ANKRD27: variants seen among roughly 807,000 people sequenced by gnomAD.
The protein encoded by ANKRD27 is ankyrin repeat domain-containing protein 27.
In ANKRD27, 112 loss-of-function variants were observed where a neutral mutation model predicts 129.7. The observed-to-expected ratio is 0.86, with a 90% CI of 0.74 to 1.01. The LOEUF (loss-of-function observed/expected upper bound fraction) is 1.01, where lower values mean the gene tolerates loss of function less well. Among genes scored for constraint, ANKRD27 ranks in the 50% least tolerant of loss-of-function variants. The probability of loss-of-function intolerance (pLI) is 0.00; values close to 1 mark genes in which losing one functional copy is unlikely to be tolerated. For synonymous variants in ANKRD27, 516 were observed against 511.2 expected (o/e 1.01, Z -0.13); for missense variants, 1,258 against 1,300.5 (o/e 0.97, Z 0.50).
intron 22 of ANKRD27, among the ~76,000 whole-genome samples, chr19:32,609,683 G>A (rs963146269): frequency 1.3e-5 from 2 of 151,712 alleles, no homozygotes; most frequent in African/African-American, 4.8e-5. Flanking sequence ...TGGGGGGGAA[G>A]GCAAAATCTC....
intron 12 of ANKRD27, among the ~76,000 whole-genome samples, chr19:32,634,691 G>A (rs903195594): frequency 7.5e-4 from 114 of 152,286 alleles, no homozygotes; most frequent in African/African-American, 2.6e-3. Context: ...TGAGGCAGGC[G>A]GATCACTTGA....
At chr19:32,638,592 A>T (rs1967134901) in intron 12 of ANKRD27, 1 of 152,684 alleles carries the variant, frequency 6.5e-6, no homozygotes, top group Admixed American at 6.5e-5. Context: ...CAGGGAGCCC[A>T]ACCTAGGAGT....
Position 32,642,026 on chromosome 19 carries a change from C to T in ANKRD27, c.902G>A (p.Arg301Lys). 1.3e-6 allele frequency: 2 copies of T among 1,582,362 alleles called. No homozygotes were observed. The highest frequency in any genetic ancestry group is 1.1e-5 in the South Asian group (1 of 87,896). ...VQLITQSPSQ[R>K]VNLETMCADD... ...CAGTCCCCTTTCCAAGCACAAACCT[C>T]TCTGGCTTGGAGACTGTGTAATGAG... Residue 301 changes from arginine (R) to lysine (K), a missense_variant and splice_region_variant, in exon 10 of 29, where the codon AGA (arginine) becomes AAA (lysine). By Grantham distance (26) the Arg-to-Lys change is conservative. Coordinates refer to ENST00000306065, the MANE Select transcript of ANKRD27 (RefSeq NM_032139.3).
intron 22 of ANKRD27, among the ~76,000 whole-genome samples, chr19:32,610,617 C>T (rs1200644746): frequency 6.6e-6 from 1 of 151,756 alleles, no homozygotes; most frequent in South Asian, 2.1e-4. Flanking sequence ...TATGGCAAAA[C>T]CCTGTCTCTA....
Position 32,658,762 on chromosome 19 carries a change from G to C in ANKRD27, c.102+152C>G, listed in dbSNP as rs1457460108. The C allele has an allele frequency of 7.3e-6, 5 of 680,836 alleles. 1 individual carries two copies. Among genetic ancestry groups the C allele is most frequent in the Non-Finnish European group, 5.2e-6 (2 of 386,896 alleles). 42.2% of individuals were successfully genotyped at this position (680,836 alleles called of 1,614,324 possible). A position where few individuals can be genotyped will look rare whatever the true frequency, so the allele number is the denominator to read the frequency against. On this transcript the variant is annotated intron_variant, in intron 2 of 28. Coordinates refer to ENST00000306065, the MANE Select transcript of ANKRD27 (RefSeq NM_032139.3). Reference sequence around the variant, plus strand: ...GGCTTCCTGGAGGGAGCGGCTCATGGGGGCCCCTCGCTGCTCACTCACAGA... The same window carrying C: ...GGCTTCCTGGAGGGAGCGGCTCATGCGGGCCCCTCGCTGCTCACTCACAGA...
Position 32,644,497 on chromosome 19 carries a change from A to G in ANKRD27, c.371-18T>C. On this transcript the variant is annotated intron_variant, in intron 4 of 28. Coordinates refer to ENST00000306065, the MANE Select transcript of ANKRD27 (RefSeq NM_032139.3). ...AGGCTCTTCTGAAAAAGAAACAAAC[A>G]GGTCAGGCCGGCTGAAGCCTCTGCT... 6.2e-7 allele frequency: 1 copy of G among 1,609,704 alleles called. No individual in the cohort carries two copies. Among genetic ancestry groups the G allele is most frequent in the Non-Finnish European group, 8.5e-7 (1 of 1,176,764 alleles).
intron 12 of ANKRD27, among the ~76,000 whole-genome samples, chr19:32,632,312 G>A (rs181293334): frequency 2.0e-5 from 3 of 151,452 alleles, no homozygotes; most frequent in East Asian, 2.0e-4. Context: ...TAGGCCAGGC[G>A]CGGTGGCTCA....
intron 2 of ANKRD27, among the ~76,000 whole-genome samples, chr19:32,653,530 G>A (rs1172624434): frequency 6.6e-6 from 1 of 152,154 alleles, no homozygotes; most frequent in Non-Finnish European, 1.5e-5. Flanking sequence ...ATAGTTGTAA[G>A]CACAGAGGTG....
intron 1 of ANKRD27, 101 bp from the exon 2 acceptor site, chr19:32,659,146 T>G: frequency 1.6e-6 from 1 of 628,800 alleles, no homozygotes; most frequent in Non-Finnish European, 2.7e-6. Flanking sequence ...TTTCTTTTTT[T>G]TTTTTTTTTT....
At chr19:32,617,415 C>T (rs1159588970) in intron 21 of ANKRD27, among the ~76,000 whole-genome samples, 174 bp downstream of exon 21, 8 of 152,012 alleles carry the variant, frequency 5.3e-5, no homozygotes, top group Non-Finnish European at 8.8e-5. Context: ...GGCATGGCCG[C>T]GCACAACTGT....
chr19:32,661,683 T>A (rs1164499996), intron 1 of ANKRD27, among the ~76,000 whole-genome samples: 1 of 152,076 alleles, frequency 6.6e-6, no homozygotes, highest in Non-Finnish European at 1.5e-5. Flanking sequence ...CTCAGTATAC[T>A]TGGGGGATTG....
Position 32,633,954 on chromosome 19 carries a change from G to A in ANKRD27, c.1117-2460C>T, listed in dbSNP as rs111884290. On this transcript the variant is annotated intron_variant, in intron 12 of 28. Coordinates refer to ENST00000306065, the MANE Select transcript of ANKRD27 (RefSeq NM_032139.3). ...CTGAGGCAGGAGGATCCCTTTGAGC[G>A]CAGGAGTTGGAGGCTGCAGTGAGCT... 8.2e-4 allele frequency among the ~76,000 whole-genome samples: 124 copies of A among 152,058 alleles called. 1 individual carries two copies. The highest frequency in any genetic ancestry group is 2.7e-3 in the African/African-American group (111 of 41,484).
chr19:32,639,297 C>A (rs779852107), intron 12 of ANKRD27, 59 bp downstream of exon 12: 1 of 1,608,408 alleles, frequency 6.2e-7, no homozygotes. Flanking sequence ...AACCCCAGCA[C>A]CCTATCAAGG....
intron 1 of ANKRD27, among the ~76,000 whole-genome samples, chr19:32,664,949 A>G (rs2145324544): frequency 1.1e-5 from 1 of 91,252 alleles, no homozygotes; most frequent in African/African-American, 4.3e-5. Flanking sequence ...ACTGTTATTA[A>G]TGATATATTT....
At chr19:32,634,648 G>C (rs1052588915) in intron 12 of ANKRD27, among the ~76,000 whole-genome samples, 3 of 152,214 alleles carry the variant, frequency 2.0e-5, no homozygotes, top group African/African-American at 7.2e-5. Flanking sequence ...GGGCGCAGTG[G>C]CTGGTACCTG....
At chr19:32,662,733 C>A (rs1245164209) in intron 1 of ANKRD27, among the ~76,000 whole-genome samples, 1 of 151,712 alleles carries the variant, frequency 6.6e-6, no homozygotes, top group Non-Finnish European at 1.5e-5. Flanking sequence ...CAGAGTGAGA[C>A]CCCATCTCTT....
At chr19:32,643,991 C>T (rs553444291) in intron 5 of ANKRD27, among the ~76,000 whole-genome samples, 68 of 152,148 alleles carry the variant, frequency 4.5e-4, no homozygotes, top group African/African-American at 1.6e-3. Flanking sequence ...CCTCCCACCT[C>T]GGCCTCCCAA....
At position 32,599,964 on chromosome 19, in the gene ANKRD27, A is replaced by G; in HGVS notation, c.2846+8T>C. On this transcript the variant is annotated splice_region_variant and intron_variant, in intron 27 of 28. Coordinates refer to ENST00000306065, the MANE Select transcript of ANKRD27 (RefSeq NM_032139.3). ...AAGCACAGAAATCAACTTGAGTTTC[A>G]TACTCACTTAAACTGACCAGCTGAG... 3.1e-6 allele frequency: 5 copies of G among 1,608,468 alleles called. No homozygotes were observed. Among genetic ancestry groups the G allele is most frequent in the Non-Finnish European group, 4.3e-6 (5 of 1,175,874 alleles).
chr19:32,609,827 T>C (rs558512863), intron 22 of ANKRD27, among the ~76,000 whole-genome samples: 2 of 95,356 alleles, frequency 2.1e-5, no homozygotes, highest in African/African-American at 6.1e-5. Context: ...ATAAATTATA[T>C]AAATTATAAT....
Sources: allele counts gnomAD v4.1 joint callset (sites outside exome capture counted in the v4.1 genomes callset), GRCh38; gene constraint gnomAD v4.1.1; transcripts MANE v1.5; gene names NCBI Gene and HGNC (gene_info 2026-07-23, HGNC 2026-07-21).